The following CACNB2 variants were observed in gnomAD, a reference collection of about 807,000 sequenced individuals.
CACNB2 encodes calcium voltage-gated channel auxiliary subunit beta 2, also known as voltage-dependent L-type calcium channel subunit beta-2.
A neutral mutation model predicts 73.3 loss-of-function variants in CACNB2; 42 were observed. The ratio of observed to expected loss-of-function variants is 0.57; its 90% CI spans 0.45 to 0.74. CACNB2 has a LOEUF of 0.74. CACNB2 is among the 30% of genes least tolerant of loss of function. The pLI is 0.00. For synonymous variants in CACNB2, 348 were observed against 310.3 expected (o/e 1.12, Z -1.28); for missense variants, 940 against 853.0 (o/e 1.10, Z -1.27).
chr10:18,408,818 A>G (rs1156989106), intron 3 of CACNB2, among the ~76,000 whole-genome samples: 1 of 152,158 alleles, frequency 6.6e-6, no homozygotes, highest in Non-Finnish European at 1.5e-5. Context: ...TCAAGGGAAG[A>G]GTATTTTTTC....
intron 2 of CACNB2, among the ~76,000 whole-genome samples, chr10:18,276,873 C>T (rs750701132): frequency 7.9e-5 from 12 of 152,206 alleles, no homozygotes; most frequent in Admixed American, 2.6e-4. Flanking sequence ...GCCACCACAC[C>T]CGGCCTTGCA....
intron 2 of CACNB2, among the ~76,000 whole-genome samples, chr10:18,332,413 A>G (rs1048484591): frequency 1.3e-5 from 2 of 152,202 alleles, no homozygotes; most frequent in African/African-American, 4.8e-5. Flanking sequence ...TTTCGGGGAC[A>G]CAGAAAGATC....
intron 2 of CACNB2, among the ~76,000 whole-genome samples, chr10:18,179,123 TAAACTAAACAC>T: frequency 6.6e-6 from 1 of 152,230 alleles, no homozygotes; most frequent in East Asian, 1.9e-4. Context: ...TATTGCAATG[TAAACTAAACAC>T]TATAAAATAA....
chr10:18,191,162 A>G (rs1307572400), intron 2 of CACNB2, among the ~76,000 whole-genome samples: 1 of 152,224 alleles, frequency 6.6e-6, no homozygotes, highest in Non-Finnish European at 1.5e-5. Context: ...CAGTAGCTGG[A>G]TATTTACTAA....
At chr10:18,450,397 T>C (rs1259481414) in intron 3 of CACNB2, among the ~76,000 whole-genome samples, 2 of 151,980 alleles carry the variant, frequency 1.3e-5, no homozygotes, top group African/African-American at 2.4e-5. Context: ...CCAGTGCTTT[T>C]AGTAATTATT....
chr10:18,324,488 T>C (rs890322660), intron 2 of CACNB2, among the ~76,000 whole-genome samples: 2 of 152,304 alleles, frequency 1.3e-5, no homozygotes, highest in East Asian at 1.9e-4. Flanking sequence ...AATAAGCCAA[T>C]TGGGAAGTCC....
At chr10:18,456,231 G>A (rs2047272118) in intron 3 of CACNB2, among the ~76,000 whole-genome samples, 1 of 152,122 alleles carries the variant, frequency 6.6e-6, no homozygotes, top group African/African-American at 2.4e-5. Flanking sequence ...AGCACTTTGG[G>A]AGGCTGAGGC....
At chr10:18,289,862 A>G (rs2038986404) in intron 2 of CACNB2, among the ~76,000 whole-genome samples, 1 of 152,002 alleles carries the variant, frequency 6.6e-6, no homozygotes, top group Admixed American at 6.6e-5. Flanking sequence ...TAAAATAAGT[A>G]GGAACCATAA....
At position 18,222,833 on chromosome 10, in the gene CACNB2, A is replaced by G. The variant is rs2035848227; in HGVS notation, c.213+71858A>G. 2.6e-5 allele frequency among the ~76,000 whole-genome samples: 4 copies of G among 152,200 alleles called. No individual in the cohort carries two copies. The South Asian group carries it at 8.3e-4, about 32-fold the overall frequency. On this transcript the variant is annotated intron_variant, in intron 2 of 13. Transcript: ENST00000324631. Reference sequence around the variant, plus strand: ...ACGCCTGTAATCCCAGCTACTTGGGAGGCTGAGGCAGGAGAATTTCTTGAA... The same window carrying G: ...ACGCCTGTAATCCCAGCTACTTGGGGGGCTGAGGCAGGAGAATTTCTTGAA...
At chr10:18,419,767 A>G (rs1362237726) in intron 3 of CACNB2, among the ~76,000 whole-genome samples, 1 of 152,214 alleles carries the variant, frequency 6.6e-6, no homozygotes, top group Non-Finnish European at 1.5e-5. Context: ...CCTATCTTAA[A>G]TGGAATGCTG....
chr10:18,265,125 AT>A (rs1287869136), intron 2 of CACNB2, among the ~76,000 whole-genome samples: 1 of 137,410 alleles, frequency 7.3e-6, no homozygotes, highest in Admixed American at 7.2e-5. Flanking sequence ...GTTTTCATAT[AT>A]TTATTGACCA....
intron 2 of CACNB2, among the ~76,000 whole-genome samples, chr10:18,152,773 G>T (rs1337087322): frequency 7.1e-6 from 1 of 141,290 alleles, no homozygotes; most frequent in Non-Finnish European, 1.5e-5. Context: ...CATAGTAGCT[G>T]CAGTAAAGCA....
chr10:18,425,710 A>G (rs1033820348), intron 3 of CACNB2, among the ~76,000 whole-genome samples: 2 of 152,192 alleles, frequency 1.3e-5, no homozygotes, highest in Admixed American at 1.3e-4. Context: ...ATTCTTTCCT[A>G]CCTTAGCCTC....
At chr10:18,151,203 T>C in intron 2 of CACNB2, 1 of 480,704 alleles carries the variant, frequency 2.1e-6, no homozygotes, top group Non-Finnish European at 3.6e-6. Context: ...AAGTGTGGCA[T>C]TCATTACAGA....
intron 2 of CACNB2, among the ~76,000 whole-genome samples, chr10:18,265,844 AG>A (rs1182598673): frequency 6.6e-6 from 1 of 152,164 alleles, no homozygotes; most frequent in Non-Finnish European, 1.5e-5. Context: ...GAGATCATGA[AG>A]CAGGGGAGTT....
At chr10:18,372,805 T>C (rs1195180059) in intron 2 of CACNB2, among the ~76,000 whole-genome samples, 1 of 152,170 alleles carries the variant, frequency 6.6e-6, no homozygotes, top group East Asian at 1.9e-4. Context: ...TCATCTTAAG[T>C]TGCTTTGTAA....
At chr10:18,173,812 T>A (rs2033407687) in intron 2 of CACNB2, among the ~76,000 whole-genome samples, 1 of 152,228 alleles carries the variant, frequency 6.6e-6, no homozygotes, top group Admixed American at 6.5e-5. Context: ...TCTGTTATAT[T>A]TTTGCAGGTT....
At chr10:18,377,097 C>G (rs766087730) in intron 2 of CACNB2, among the ~76,000 whole-genome samples, 1 of 152,130 alleles carries the variant, frequency 6.6e-6, no homozygotes, top group African/African-American at 2.4e-5. Context: ...ATGCCTGTAT[C>G]AACATATCTC....
At chr10:18,210,297 A>G (rs2035265861) in intron 2 of CACNB2, among the ~76,000 whole-genome samples, 1 of 152,232 alleles carries the variant, frequency 6.6e-6, no homozygotes, top group Non-Finnish European at 1.5e-5. Flanking sequence ...AGAAATGTAT[A>G]TACATGCAGG....
Sources: gnomAD v4.1 joint callset for allele counts (sites outside exome capture counted in the v4.1 genomes callset) on GRCh38, gnomAD v4.1.1 for gene constraint, MANE v1.5 for transcripts, NCBI Gene and HGNC (gene_info 2026-07-23, HGNC 2026-07-21) for gene names.